The following NCAM1 variants were observed in gnomAD, a reference collection of about 807,000 sequenced individuals.
The protein encoded by NCAM1 is neural cell adhesion molecule 1.
Under a neutral mutation model 109.8 loss-of-function variants are expected in NCAM1, and 14 were observed. The ratio of observed to expected loss-of-function variants is 0.13; its 90% CI spans 0.08 to 0.20. NCAM1 has a LOEUF of 0.20. Among genes scored for constraint, NCAM1 ranks in the 10% least tolerant of loss-of-function variants. The pLI is 1.00. For synonymous variants in NCAM1, 418 were observed against 442.9 expected (o/e 0.94, Z 0.70); for missense variants, 774 against 1,109.9 (o/e 0.70, Z 4.30).
chr11:113,196,642 A>G lies in NCAM1; in HGVS notation c.53-5737A>G, dbSNP rs137911367. On this transcript the variant is annotated intron_variant, in intron 1 of 19. Coordinates refer to ENST00000316851, the MANE Select transcript of NCAM1 (RefSeq NM_181351.5). ...GGTTCTGTTTTTCCCTGTTTTACAG[A>G]TGAGACACTGAGAGGTTAAATAACT... Among the ~76,000 whole-genome samples the G allele has an allele frequency of 3.9e-3, 587 of 152,292 alleles. 5 individuals carry two copies. The highest frequency in any genetic ancestry group is 0.013 in the African/African-American group (561 of 41,570).
chr11:112,997,321 C>G (rs1182200387), intron 1 of NCAM1, among the ~76,000 whole-genome samples: 3 of 152,038 alleles, frequency 2.0e-5, no homozygotes, highest in Non-Finnish European at 4.4e-5. Flanking sequence ...AATGAAGGAG[C>G]ATAAATTTAT....
chr11:113,143,645 T>C (rs1194681712), intron 1 of NCAM1, among the ~76,000 whole-genome samples: 1 of 152,252 alleles, frequency 6.6e-6, no homozygotes, highest in African/African-American at 2.4e-5. Context: ...AGGAAAATTC[T>C]GCCAGGTAAG....
chr11:112,970,557 C>T lies in NCAM1; in HGVS notation c.52+8893C>T, dbSNP rs185244639. Among the ~76,000 whole-genome samples, 300 of 152,262 alleles carry T rather than the reference C, an allele frequency of 2.0e-3. 1 individual carries two copies. The highest frequency in any genetic ancestry group is 6.0e-3 in the South Asian group (29 of 4,828). The stretch of plus-strand genomic sequence containing the variant: ...AAAGATCTGGGTTCAAGAAGTTGCT[C>T]TGCTACTAACTAGCCAAGTGAATTT... On this transcript the variant is annotated intron_variant, in intron 1 of 19. Coordinates refer to ENST00000316851, the MANE Select transcript of NCAM1 (RefSeq NM_181351.5).
chr11:112,968,401 G>A (rs1555066059), intron 1 of NCAM1, among the ~76,000 whole-genome samples: 3 of 152,356 alleles, frequency 2.0e-5, no homozygotes, highest in East Asian at 3.9e-4. Context: ...TGATATTGGA[G>A]AGGAGACTGA....
intron 6 of NCAM1, 136 bp downstream of exon 6, chr11:113,207,514 T>C: frequency 1.4e-6 from 1 of 728,482 alleles, no homozygotes; most frequent in Non-Finnish European, 2.2e-6. Flanking sequence ...AATGGACTCT[T>C]TTCTATAAGA....
At chr11:113,168,858 G>C (rs1213526709) in intron 1 of NCAM1, among the ~76,000 whole-genome samples, 1 of 152,238 alleles carries the variant, frequency 6.6e-6, no homozygotes, top group South Asian at 2.1e-4. Context: ...ATCCAGATGT[G>C]GGGGAGGCCA....
At chr11:113,068,659 T>G (rs1202284912) in intron 1 of NCAM1, among the ~76,000 whole-genome samples, 2 of 152,206 alleles carry the variant, frequency 1.3e-5, no homozygotes, top group Admixed American at 1.3e-4. Flanking sequence ...ATGCCAGATC[T>G]TCAGTCTTAC....
At position 113,257,082 on chromosome 11, in the gene NCAM1, G is replaced by A. The variant is rs149379972; in HGVS notation, c.1953+1081G>A. Among the ~76,000 whole-genome samples, 19 of 152,320 alleles carry A rather than the reference G, an allele frequency of 1.2e-4. No individual in the cohort carries two copies. In the East Asian group the frequency reaches 2.9e-3, roughly 23 times the overall value. The stretch of plus-strand genomic sequence containing the variant: ...CTTGTTCCCACTTAATTTGTAAGCA[G>A]ATGTGAGCTGAAATAGTAGGAAAGG... On this transcript the variant is annotated intron_variant, in intron 16 of 19. Transcript: ENST00000316851.
At chr11:113,019,676 T>C (rs1386607658) in intron 1 of NCAM1, among the ~76,000 whole-genome samples, 1 of 152,212 alleles carries the variant, frequency 6.6e-6, no homozygotes, top group African/African-American at 2.4e-5. Context: ...ACAGATAACA[T>C]CACCTGAGTT....
In NCAM1 at chr11:113,206,054, G is replaced by C. The variant is rs1555112803; in HGVS notation, c.502G>C (p.Val168Leu). Residue 168 changes from valine (V) to leucine (L), a missense_variant, in exon 5 of 20, where the codon GTC (valine) becomes CTC (leucine). Val to Leu is a conservative substitution (Grantham distance 32, BLOSUM62 1). This residue lies in a region of NCAM1 where 523 missense variants were observed against 784.2 expected (regional missense o/e 0.67). Transcript: ENST00000316851. ...CTTATCTCTTCTAGTCCGATTCATA[G>C]TCCTGTCCAACAACTACCTGCAGAT... is the stretch of plus-strand genomic sequence containing the variant. ...VILKKDVRFI[V>L]LSNNYLQIRG... 6.2e-7 allele frequency: 1 copy of C among 1,613,938 alleles called. No homozygotes were observed. Among genetic ancestry groups the C allele is most frequent in the Non-Finnish European group, 8.5e-7 (1 of 1,179,882 alleles).
intron 1 of NCAM1, among the ~76,000 whole-genome samples, chr11:113,079,668 T>C (rs576907889): frequency 2.0e-5 from 3 of 152,354 alleles, no homozygotes; most frequent in African/African-American, 4.8e-5. Context: ...AAATCCATTA[T>C]AGTTTTTAAA....
intron 1 of NCAM1, among the ~76,000 whole-genome samples, chr11:113,131,994 G>T (rs1343264399): frequency 6.6e-6 from 1 of 152,192 alleles, no homozygotes; most frequent in Non-Finnish European, 1.5e-5. Flanking sequence ...CCTTTGCCCT[G>T]CCAGAAAACT....
intron 1 of NCAM1, among the ~76,000 whole-genome samples, chr11:113,112,953 G>A (rs879947023): frequency 3.9e-5 from 6 of 152,022 alleles, no homozygotes; most frequent in Admixed American, 3.9e-4. Context: ...CCAACATGGT[G>A]AAACCCCGTC....
intron 17 of NCAM1, chr11:113,263,028 G>T: frequency 1.3e-6 from 2 of 1,519,818 alleles, no homozygotes; most frequent in Non-Finnish European, 8.8e-7. Flanking sequence ...GGCCACAGCT[G>T]CTGAGCAACC....
chr11:113,050,264 T>C lies in NCAM1; in HGVS notation c.52+88600T>C, dbSNP rs747201069. Among the ~76,000 whole-genome samples, 38 of 152,186 alleles carry C rather than the reference T, an allele frequency of 2.5e-4. 1 individual carries two copies. Among genetic ancestry groups the C allele is most frequent in the Admixed American group, 4.6e-4 (7 of 15,274 alleles). ...ATAGGAGAATGTTGTCCATACTTAATGGTAGTAAATAAATCAGTTAGAAAT... is the reference window on the plus strand; with the variant it reads ...ATAGGAGAATGTTGTCCATACTTAACGGTAGTAAATAAATCAGTTAGAAAT... On this transcript the variant is annotated intron_variant, in intron 1 of 19. Transcript: ENST00000316851.
At chr11:113,034,908 A>G (rs182861237) in intron 1 of NCAM1, among the ~76,000 whole-genome samples, 21 of 152,328 alleles carry the variant, frequency 1.4e-4, no homozygotes, top group African/African-American at 5.1e-4. Flanking sequence ...CACATGGGAA[A>G]TATTCTGTTA....
At chr11:113,236,995 T>C (rs1265970149) in intron 14 of NCAM1, among the ~76,000 whole-genome samples, 3 of 152,230 alleles carry the variant, frequency 2.0e-5, no homozygotes, top group Non-Finnish European at 4.4e-5. Flanking sequence ...AGCATGTAGT[T>C]ACTTGCAGTG....
At chr11:113,055,275 A>T (rs551411729) in intron 1 of NCAM1, among the ~76,000 whole-genome samples, 1 of 152,296 alleles carries the variant, frequency 6.6e-6, no homozygotes, top group African/African-American at 2.4e-5. Flanking sequence ...TAGGCCCCAA[A>T]CACCCTATAA....
At chr11:113,272,056 T>G (rs534849396) in intron 19 of NCAM1, among the ~76,000 whole-genome samples, 180 bp downstream of exon 19, 1 of 152,132 alleles carries the variant, frequency 6.6e-6, no homozygotes, top group South Asian at 2.1e-4. Context: ...CAGGCATTTC[T>G]GGTTCTATTT....
Sources: allele counts gnomAD v4.1 joint callset (sites outside exome capture counted in the v4.1 genomes callset), GRCh38; gene constraint gnomAD v4.1.1; regional missense constraint gnomAD v4.1.1; transcripts MANE v1.5; gene names NCBI Gene and HGNC (gene_info 2026-07-23, HGNC 2026-07-21).